The following GLB1L variants were observed in gnomAD, a reference collection of about 807,000 sequenced individuals.
GLB1L encodes the protein galactosidase beta 1 like.
A neutral mutation model predicts 75.7 loss-of-function variants in GLB1L; 58 were observed. The ratio of observed to expected loss-of-function variants is 0.77; its 90% confidence interval spans 0.62 to 0.95. The LOEUF is 0.95. Among genes scored for constraint, GLB1L ranks in the 40% least tolerant of loss-of-function variants. The probability of loss-of-function intolerance (pLI) is 0.00; values close to 1 mark genes in which losing one functional copy is unlikely to be tolerated. For synonymous variants in GLB1L, 296 were observed against 303.0 expected (o/e 0.98, Z 0.24); for missense variants, 797 against 805.5 (o/e 0.99, Z 0.13).
Position 219,236,760 on chromosome 2 carries a change from CT to C in GLB1L, c.*311del, listed in dbSNP as rs5838728. The C allele has an allele frequency of 0.013, 1,610 of 125,424 alleles. No individual in the cohort carries two copies. Among genetic ancestry groups the C allele is most frequent in the South Asian group, 0.033 (180 of 5,520 alleles). The allele number at this position is 125,424 out of a possible 1,614,324, so 7.8% of individuals were successfully genotyped here. A position where few individuals can be genotyped will look rare whatever the true frequency, so the allele number is the denominator to read the frequency against. ...CTCCATGTCCCAGGTCCAAGGGTTA[CT>C]TTTTTTTTTTTTTTTTTTTTTGAGA... On this transcript the variant is annotated 3_prime_UTR_variant, in exon 17 of 17. Transcript: ENST00000295759.
chr2:219,241,986 A>T (rs570694014), intron 5 of GLB1L, among the ~76,000 whole-genome samples: 23 of 152,156 alleles, frequency 1.5e-4, no homozygotes, highest in African/African-American at 5.5e-4. Flanking sequence ...TACAGCTGAT[A>T]GGATTTTCTC....
intron 14 of GLB1L, 143 bp from the exon 15 acceptor site, chr2:219,238,100 A>G (rs1951295929): frequency 2.8e-6 from 3 of 1,064,508 alleles, no homozygotes; most frequent in Admixed American, 4.5e-5. Context: ...TTCTATCCTT[A>G]ATCAAACTCT....
rs190704031 is a variant in GLB1L, at chr2:219,241,075, C to T, written c.452-790G>A. 1.1e-3 allele frequency among the ~76,000 whole-genome samples: 173 copies of T among 151,018 alleles called. No homozygotes were observed. In the Middle Eastern group the frequency reaches 0.034, roughly 30 times the overall value. On this transcript the variant is annotated intron_variant, in intron 5 of 16. Transcript: ENST00000295759. ...CAGCCTGGGCAACAGAGCAAGACTC[C>T]GTCTCAAAAAAAAATAACAATTATG...
In GLB1L at chr2:219,238,148, G is replaced by A. The variant is rs533902272; in HGVS notation, c.1341+102C>T. On this transcript the variant is annotated intron_variant, in intron 14 of 16. Transcript: ENST00000295759. ...CTTATCCCTGGAACCCTCTGCAAACGTGAACAGGCAGGTGGGAAAGTGTAA... is the reference window on the plus strand; with the variant it reads ...CTTATCCCTGGAACCCTCTGCAAACATGAACAGGCAGGTGGGAAAGTGTAA... 113 of 1,057,152 alleles carry A rather than the reference G, an allele frequency of 1.1e-4. 1 individual carries two copies. In the South Asian group the frequency reaches 1.3e-3, roughly 12 times the overall value. The allele number at this position is 1,057,152 out of a possible 1,614,324, so 65.5% of individuals were successfully genotyped here.
chr2:219,238,752 G>A lies in GLB1L; in HGVS notation c.1090C>T (p.Pro364Ser). The A allele has an allele frequency of 6.2e-7, 1 of 1,613,914 alleles. No individual in the cohort carries two copies. Among genetic ancestry groups the A allele is most frequent in the Non-Finnish European group, 8.5e-7 (1 of 1,179,918 alleles). Residue 364 changes from proline (P) to serine (S), a missense_variant, in exon 12 of 17, where the codon CCT becomes TCT. Coordinates refer to ENST00000295759, the MANE Select transcript of GLB1L (RefSeq NM_001286423.2). ...AGCATCATCTTGGGGCTCGGGGGAG[G>A]TAAAGGTCCCAAAGGAACTTCCTGG... Reference protein sequence around the residue: ...KFQEVPLGPLPPPSPKMMLGP... With the variant: ...KFQEVPLGPLSPPSPKMMLGP...
intron 5 of GLB1L, 83 bp downstream of exon 5, chr2:219,242,431 G>T: frequency 2.1e-6 from 2 of 954,786 alleles, no homozygotes; most frequent in Non-Finnish European, 1.7e-6. Context: ...CCTCCAATTT[G>T]GGAATGGTCT....
chr2:219,244,454 T>G (rs1951478957), intron 1 of GLB1L, among the ~76,000 whole-genome samples: 1 of 152,128 alleles, frequency 6.6e-6, no homozygotes. Flanking sequence ...ATCCGGGGTG[T>G]GGAAGGGAGG....
Position 219,237,185 on chromosome 2 carries a change from A to G in GLB1L, c.1852T>C (p.Phe618Leu), listed in dbSNP as rs1951269146. The G allele has an allele frequency of 6.2e-7, 1 of 1,614,186 alleles. No individual in the cohort carries two copies. ...CTATTGAGGATAGGCTTATCCAAAA[A>G]TTGGACTTGGGGCTGGAGAGGTACA... The part of the protein sequence containing the change: ...EDVPLQPQVQ[F>L]LDKPILNSTS... Residue 618 changes from phenylalanine to leucine, a missense_variant, in exon 17 of 17, where the codon TTT (phenylalanine) becomes CTT (leucine). Coordinates refer to ENST00000295759, the MANE Select transcript of GLB1L (RefSeq NM_001286423.2).
intron 10 of GLB1L, 64 bp downstream of exon 10, chr2:219,239,347 T>G: frequency 6.5e-7 from 1 of 1,528,892 alleles, no homozygotes. Flanking sequence ...CTAATCCACC[T>G]GGCCCTTAGA....
chr2:219,237,856 G>T lies in GLB1L; in HGVS notation c.1443C>A (p.Leu481=). The change falls in exon 15 of 17, where the codon CTC becomes CTA. Residue 481 remains leucine, a synonymous_variant. Coordinates refer to ENST00000295759, the MANE Select transcript of GLB1L (RefSeq NM_001286423.2). ...AGTCACTGCTGTTAGACCCAAAGCT[G>T]AGCCTCCCCATGTTCTCCACCAAGA... The part of the protein sequence containing the change: ...LDILVENMGR[L]SFGSNSSDFK... 1.9e-6 allele frequency: 3 copies of T among 1,614,136 alleles called. No homozygotes were observed. The highest frequency in any genetic ancestry group is 2.5e-6 in the Non-Finnish European group (3 of 1,180,018).
intron 3 of GLB1L, 64 bp from the exon 4 acceptor site, chr2:219,242,982 G>A: frequency 6.3e-7 from 1 of 1,598,202 alleles, no homozygotes; most frequent in Non-Finnish European, 8.6e-7. Flanking sequence ...TAACGGCTCA[G>A]GCCTTGCAGG....
At chr2:219,243,045 T>A in intron 3 of GLB1L, 103 bp downstream of exon 3, 1 of 1,547,370 alleles carries the variant, frequency 6.5e-7, no homozygotes, top group Non-Finnish European at 8.8e-7. Flanking sequence ...TTCCCACCCT[T>A]GGCCTAGGAG....
chr2:219,244,128 G>A (rs1371562251), intron 1 of GLB1L, among the ~76,000 whole-genome samples: 1 of 152,154 alleles, frequency 6.6e-6, no homozygotes, highest in African/African-American at 2.4e-5. Flanking sequence ...GGGCAACAGA[G>A]CGAGACTCTG....
At chr2:219,241,442 G>GTATATATATATATATATATATA (rs1212111892) in intron 5 of GLB1L, among the ~76,000 whole-genome samples, 2 of 82,886 alleles carry the variant, frequency 2.4e-5, no homozygotes, top group East Asian at 5.5e-4. Flanking sequence ...GTGTGTGTGT[G>GTATATATATATATATATATATA]TATATATATA....
chr2:219,243,322 GAGAA>G lies in GLB1L; in HGVS notation c.73-12_73-9del. 2 of 1,592,178 alleles carry G rather than the reference GAGAA, an allele frequency of 1.3e-6. No homozygotes were observed. The highest frequency in any genetic ancestry group is 1.7e-6 in the Non-Finnish European group (2 of 1,166,148). ...GAACGACCGAGTGTCTGCCTATAAA[GAGAA>G]AGAGACGCTGCTCAGCAGACGCCTG... On this transcript the variant is annotated splice_polypyrimidine_tract_variant and intron_variant, in intron 2 of 16. Transcript: ENST00000295759.
At position 219,237,587 on chromosome 2, in the gene GLB1L, G is replaced by A; in HGVS notation, c.1614C>T (p.Pro538=). 3.7e-6 allele frequency: 6 copies of A among 1,614,184 alleles called. No homozygotes were observed. Among genetic ancestry groups the A allele is most frequent in the Non-Finnish European group, 5.1e-6 (6 of 1,180,022 alleles). Residue 538 remains proline (P), a synonymous_variant, in exon 16 of 17, where the codon CCC becomes CCT. Transcript: ENST00000295759. Reference sequence around the variant, plus strand: ...TTGGAAATGTTTTGGAGTAGAATGTGGGGCCAGAAGGAGCTTGAGGATATG... The same window carrying A: ...TTGGAAATGTTTTGGAGTAGAATGTAGGGCCAGAAGGAGCTTGAGGATATG... The part of the protein sequence containing the change: ...KWPYPQAPSG[P]TFYSKTFPIL...
intron 11 of GLB1L, 136 bp from the exon 12 acceptor site, chr2:219,238,915 C>A: frequency 1.2e-6 from 1 of 869,088 alleles, no homozygotes; most frequent in Non-Finnish European, 1.8e-6. Flanking sequence ...ATTTTGCACA[C>A]CTGTGTGTCT....
intron 14 of GLB1L, 133 bp from the exon 15 acceptor site, chr2:219,238,090 T>A (rs562330794): frequency 9.1e-7 from 1 of 1,094,704 alleles, no homozygotes; most frequent in African/African-American, 1.6e-5. Context: ...TATTCTAGAA[T>A]TCTATCCTTA....
intron 5 of GLB1L, among the ~76,000 whole-genome samples, chr2:219,242,280 C>T (rs1205135589): frequency 2.6e-5 from 3 of 116,442 alleles, no homozygotes; most frequent in East Asian, 5.4e-4. Flanking sequence ...TGAGCCACCG[C>T]GCCCAGCTGT....
Sources: gnomAD v4.1 joint callset for allele counts (sites outside exome capture counted in the v4.1 genomes callset) on GRCh38, gnomAD v4.1.1 for gene constraint, MANE v1.5 for transcripts, NCBI Gene and HGNC (gene_info 2026-07-23, HGNC 2026-07-21) for gene names.